The following LAMA2 variants were observed in gnomAD, a reference collection of about 807,000 sequenced individuals.
LAMA2 encodes the protein laminin subunit alpha-2.
Under a neutral mutation model 364.8 loss-of-function variants are expected in LAMA2, and 269 were observed. The observed-to-expected ratio is 0.74, with a 90% CI of 0.67 to 0.82. The LOEUF is 0.82. Among genes scored for constraint, LAMA2 ranks in the 40% least tolerant of loss-of-function variants. The pLI is 0.00. For missense variants in LAMA2, 3,807 were observed against 3,873.2 expected, an observed-to-expected ratio of 0.98 and a Z score of 0.45; for synonymous variants, 1,379 against 1,370.6, an observed-to-expected ratio of 1.01 and a Z score of -0.14.
chr6:128,887,438 T>C lies in LAMA2; in HGVS notation c.112+4081T>C, dbSNP rs148369144. Reference sequence around the variant, plus strand: ...CATATTCAACACTGAATATTATAGATGTGATAGAATTAATAAAATTTATAT... The same window carrying C: ...CATATTCAACACTGAATATTATAGACGTGATAGAATTAATAAAATTTATAT... On this transcript the variant is annotated intron_variant, in intron 1 of 64. Coordinates refer to ENST00000421865, the MANE Select transcript of LAMA2 (RefSeq NM_000426.4). 3.8e-3 allele frequency among the ~76,000 whole-genome samples: 571 copies of C among 152,148 alleles called. 3 individuals carry two copies. The highest frequency in any genetic ancestry group is 0.013 in the African/African-American group (533 of 41,528).
At chr6:129,504,107 T>C (rs1785868493) in intron 60 of LAMA2, among the ~76,000 whole-genome samples, 1 of 152,240 alleles carries the variant, frequency 6.6e-6, no homozygotes, top group Non-Finnish European at 1.5e-5. Context: ...ATTTGGTTAA[T>C]GTTAACATAC....
At chr6:129,040,583 C>G (rs1341074354) in intron 1 of LAMA2, among the ~76,000 whole-genome samples, 1 of 152,144 alleles carries the variant, frequency 6.6e-6, no homozygotes, top group Non-Finnish European at 1.5e-5. Context: ...GTGCCATGAT[C>G]ATGCCACTGC....
At chr6:129,510,387 G>T (rs967539464) in intron 62 of LAMA2, among the ~76,000 whole-genome samples, 8 of 151,984 alleles carry the variant, frequency 5.3e-5, no homozygotes, top group Non-Finnish European at 1.0e-4. Context: ...AAAATACTAA[G>T]GAATTAACCA....
At chr6:129,025,542 G>A (rs1785752488) in intron 1 of LAMA2, among the ~76,000 whole-genome samples, 1 of 152,094 alleles carries the variant, frequency 6.6e-6, no homozygotes. Flanking sequence ...GTAGGTCAAG[G>A]AGAAATCATA....
chr6:129,225,641 G>A (rs960172025), intron 12 of LAMA2, among the ~76,000 whole-genome samples: 9 of 152,146 alleles, frequency 5.9e-5, no homozygotes, highest in African/African-American at 1.9e-4. Flanking sequence ...TAGTTGAGCC[G>A]TTTTCAGTGA....
At chr6:129,328,155 G>A in intron 28 of LAMA2, 123 bp from the exon 29 acceptor site, 2 of 834,820 alleles carry the variant, frequency 2.4e-6, no homozygotes, top group Non-Finnish European at 4.1e-6. Context: ...GCGTTTGTAA[G>A]TGATGTTGCC....
At chr6:129,088,753 C>T (rs993255273) in intron 3 of LAMA2, among the ~76,000 whole-genome samples, 4 of 150,898 alleles carry the variant, frequency 2.7e-5, no homozygotes, top group Non-Finnish European at 4.4e-5. Context: ...ACTTCTCAGA[C>T]GCAGCGGCCG....
rs1372271149 is a variant in LAMA2, at chr6:129,460,220, G to A, written c.6888G>A (p.Val2296=). 1 of 1,611,930 alleles carries A rather than the reference G, an allele frequency of 6.2e-7. No individual in the cohort carries two copies. The highest frequency in any genetic ancestry group is 8.5e-7 in the Non-Finnish European group (1 of 1,178,536). ...GKLKKADAVR[V]ITFTGCMGET... is the part of the protein sequence containing the mutation. ...TGCAGAAGGCTGATGCTGTACGTGT[G>A]ATTACATTCACTGGCTGCATGGGAG... The change falls in exon 49 of 65, where the codon GTG becomes GTA. Residue 2296 remains valine (V), a synonymous_variant. Coordinates refer to ENST00000421865, the MANE Select transcript of LAMA2 (RefSeq NM_000426.4).
chr6:129,128,366 C>T (rs1214687652), intron 4 of LAMA2, among the ~76,000 whole-genome samples: 1 of 152,052 alleles, frequency 6.6e-6, no homozygotes, highest in Admixed American at 6.6e-5. Context: ...TCTTTTTTGC[C>T]AGTACCATGC....
intron 4 of LAMA2, among the ~76,000 whole-genome samples, chr6:129,118,198 T>C (rs9492242): frequency 0.26 from 39,002 of 152,130 alleles, 5,787 homozygotes; most frequent in African/African-American, 0.42. Flanking sequence ...ACCTATTTTA[T>C]AGCATTGTGC....
At chr6:129,175,650 A>C (rs192232173) in intron 9 of LAMA2, among the ~76,000 whole-genome samples, 2 of 152,170 alleles carry the variant, frequency 1.3e-5, no homozygotes, top group African/African-American at 4.8e-5. Flanking sequence ...ATGAGAACAC[A>C]TGAACACAGA....
At chr6:128,990,672 G>T (rs2114658918) in intron 1 of LAMA2, among the ~76,000 whole-genome samples, 1 of 152,184 alleles carries the variant, frequency 6.6e-6, no homozygotes, top group Non-Finnish European at 1.5e-5. Flanking sequence ...TTTTAAATAG[G>T]CCCCTTTCTC....
chr6:128,926,916 A>C (rs1320718228), intron 1 of LAMA2, among the ~76,000 whole-genome samples: 4 of 152,236 alleles, frequency 2.6e-5, no homozygotes, highest in South Asian at 4.1e-4. Context: ...AATAGAGAAT[A>C]AAGTAGGTGT....
intron 2 of LAMA2, among the ~76,000 whole-genome samples, chr6:129,051,696 CGATCTATAGATATCTATATCTATAGATA>C (rs1562192283): frequency 9.3e-5 from 3 of 32,216 alleles, no homozygotes; most frequent in South Asian, 1.7e-3. Flanking sequence ...ATCTATAGAT[CGATCTATAGATATCTATATCTATAGATA>C]GATATATAGA....
In LAMA2 at chr6:129,391,267, T is replaced by C. The variant is rs931806346; in HGVS notation, c.5072-224T>C. On this transcript the variant is annotated intron_variant, in intron 35 of 64. Transcript: ENST00000421865. ...TCTTTTGAGGTTAGAAACACCATGC[T>C]TTAATTGCTGTAACCCCCAAAAGAA... 2.0e-5 allele frequency among the ~76,000 whole-genome samples: 3 copies of C among 152,204 alleles called. No homozygotes were observed. The East Asian group carries it at 5.8e-4, about 29-fold the overall frequency.
chr6:129,501,263 A>G lies in LAMA2; in HGVS notation c.8245-1396A>G, dbSNP rs780661686. Among the ~76,000 whole-genome samples, 158 of 152,294 alleles carry G rather than the reference A, an allele frequency of 1.0e-3. 2 individuals carry two copies. Among genetic ancestry groups the G allele is most frequent in the Non-Finnish European group, 2.5e-4 (17 of 68,022 alleles). On this transcript the variant is annotated intron_variant, in intron 58 of 64. Transcript: ENST00000421865. ...GGCAGCGTAATAAGAAAGGTGCCAC[A>G]TGCTGCCTCTAAAAGAGGCCATTCA...
intron 1 of LAMA2, among the ~76,000 whole-genome samples, chr6:129,031,653 T>G (rs1406400320): frequency 6.6e-6 from 1 of 152,224 alleles, no homozygotes; most frequent in East Asian, 1.9e-4. Flanking sequence ...CTAACATTAT[T>G]TCTGGGCTTC....
chr6:128,883,833 C>CAT (rs1465921833), intron 1 of LAMA2, among the ~76,000 whole-genome samples: 2 of 114,782 alleles, frequency 1.7e-5, no homozygotes, highest in Non-Finnish European at 3.6e-5. Flanking sequence ...CACACACACA[C>CAT]ACATATATAT....
At chr6:129,035,703 T>C (rs1393113621) in intron 1 of LAMA2, among the ~76,000 whole-genome samples, 2 of 152,018 alleles carry the variant, frequency 1.3e-5, no homozygotes, top group African/African-American at 2.4e-5. Flanking sequence ...TAGGGTCCAG[T>C]TTCATTCTTC....
Sources: allele counts gnomAD v4.1 joint callset (sites outside exome capture counted in the v4.1 genomes callset), GRCh38; gene constraint gnomAD v4.1.1; transcripts MANE v1.5; gene names NCBI Gene and HGNC (gene_info 2026-07-23, HGNC 2026-07-21).